The following GPHN variants were observed in gnomAD, a reference collection of about 807,000 sequenced individuals.
The protein encoded by GPHN is gephyrin.
GPHN carries 17 observed loss-of-function variants against 95.5 expected under a neutral mutation model. The observed-to-expected ratio is 0.18, with a 90% CI of 0.12 to 0.27. The LOEUF (loss-of-function observed/expected upper bound fraction) is 0.27, where lower values mean the gene tolerates loss of function less well. Among genes scored for constraint, GPHN ranks in the 10% least tolerant of loss-of-function variants. The pLI is 1.00. For missense variants in GPHN, 660 were observed against 978.1 expected (o/e 0.67, Z 4.34); for synonymous variants, 320 against 322.5 (o/e 0.99, Z 0.08).
At chr14:67,730,895 C>T in the GPHN span, among the ~76,000 whole-genome samples, 7 of 152,142 alleles carry the variant, frequency 4.6e-5, no homozygotes, top group African/African-American at 9.7e-5. Context: ...TGAGCCACCG[C>T]GCCCAGCCCC....
At chr14:67,474,234 A>G in the GPHN span, among the ~76,000 whole-genome samples, 1 of 150,668 alleles carries the variant, frequency 6.6e-6, no homozygotes, top group Non-Finnish European at 1.5e-5. Flanking sequence ...CCTGGGAGAC[A>G]GAGTGAGACT....
At chr14:67,304,314 A>G in the GPHN span, among the ~76,000 whole-genome samples, 1 of 152,232 alleles carries the variant, frequency 6.6e-6, no homozygotes, top group Admixed American at 6.5e-5. Context: ...AAAAGGACTG[A>G]AAACATATAT....
chr14:66,781,682 T>C (rs1365542250), intron 3 of GPHN, among the ~76,000 whole-genome samples: 3 of 152,154 alleles, frequency 2.0e-5, no homozygotes, highest in African/African-American at 7.2e-5. Flanking sequence ...TATCAACCGT[T>C]TTTGTAGGAT....
intron 2 of GPHN, among the ~76,000 whole-genome samples, chr14:66,736,978 C>T (rs1387325325): frequency 1.3e-5 from 2 of 152,104 alleles, no homozygotes; most frequent in African/African-American, 4.8e-5. Context: ...CTCCTACAGT[C>T]TTCTGAGTTT....
downstream of GPHN, among the ~76,000 whole-genome samples, chr14:67,186,781 T>A (rs527452771): frequency 6.6e-6 from 1 of 152,286 alleles, no homozygotes; most frequent in African/African-American, 2.4e-5. Context: ...TGCAACCTAT[T>A]ATTGAACCTA....
intron 17 of GPHN, among the ~76,000 whole-genome samples, chr14:67,138,887 CTTTTT>C (rs34446302): frequency 2.1e-5 from 2 of 94,678 alleles, no homozygotes; most frequent in South Asian, 4.0e-4. Context: ...GCATCCTCTC[CTTTTT>C]TTTTTTTTTT....
At chr14:67,444,230 C>T in the GPHN span, among the ~76,000 whole-genome samples, 1 of 152,174 alleles carries the variant, frequency 6.6e-6, no homozygotes. Context: ...TTGTCAGGAC[C>T]TCCTGAGGCT....
chr14:66,553,970 T>C (rs185991658), intron 1 of GPHN, among the ~76,000 whole-genome samples: 91 of 152,372 alleles, frequency 6.0e-4, no homozygotes, highest in African/African-American at 2.2e-3. Flanking sequence ...TTATTGATTT[T>C]TAACGTGATA....
At chr14:66,923,865 G>T (rs1469169153) in intron 7 of GPHN, among the ~76,000 whole-genome samples, 1 of 151,750 alleles carries the variant, frequency 6.6e-6, no homozygotes, top group Non-Finnish European at 1.5e-5. Flanking sequence ...CAGTGATCCA[G>T]TGAGTGCTTA....
At chr14:66,685,513 A>G (rs1356118674) in intron 2 of GPHN, among the ~76,000 whole-genome samples, 1 of 152,018 alleles carries the variant, frequency 6.6e-6, no homozygotes, top group Non-Finnish European at 1.5e-5. Context: ...GATGATGAGC[A>G]TTTTTTCATG....
the GPHN span, chr14:67,586,332 T>C: frequency 7.2e-7 from 1 of 1,386,696 alleles, no homozygotes. Flanking sequence ...CTAGCTACTA[T>C]TATGCTCTTC....
At chr14:67,579,619 GC>G in the GPHN span, 3 of 1,157,454 alleles carry the variant, frequency 2.6e-6, no homozygotes, top group Non-Finnish European at 2.4e-6. Context: ...TTTTGTATTT[GC>G]CCTTGCTCCT....
intron 21 of GPHN, among the ~76,000 whole-genome samples, chr14:67,177,338 C>T (rs111473074): frequency 1.3e-5 from 2 of 152,138 alleles, no homozygotes; most frequent in African/African-American, 4.8e-5. Flanking sequence ...ATTATTTACC[C>T]AGTAGTCATT....
At chr14:66,531,657 A>G (rs182481979) in intron 1 of GPHN, among the ~76,000 whole-genome samples, 2 of 152,338 alleles carry the variant, frequency 1.3e-5, no homozygotes, top group East Asian at 1.9e-4. Flanking sequence ...TGGTCTGACC[A>G]TAGCCTGACT....
At chr14:66,689,548 G>A (rs1044381323) in intron 2 of GPHN, among the ~76,000 whole-genome samples, 4 of 152,104 alleles carry the variant, frequency 2.6e-5, no homozygotes, top group Admixed American at 6.5e-5. Context: ...TTAGTATCAG[G>A]GTAATGCTGG....
chr14:67,141,525 T>G (rs1352082696), intron 17 of GPHN, among the ~76,000 whole-genome samples: 1 of 152,228 alleles, frequency 6.6e-6, no homozygotes, highest in African/African-American at 2.4e-5. Flanking sequence ...GTTTTATATG[T>G]ATTAATAGGA....
intron 1 of GPHN, among the ~76,000 whole-genome samples, chr14:66,589,108 C>G (rs1469705036): frequency 6.6e-6 from 1 of 152,068 alleles, no homozygotes; most frequent in Non-Finnish European, 1.5e-5. Context: ...AAGTTTCAAC[C>G]CAGAATTGCA....
intron 1 of GPHN, among the ~76,000 whole-genome samples, chr14:66,592,000 C>A (rs1386278997): frequency 6.6e-6 from 1 of 152,094 alleles, no homozygotes; most frequent in African/African-American, 2.4e-5. Flanking sequence ...AGACATATCA[C>A]CACACATCTA....
At chr14:66,792,053 C>T (rs1372750582) in intron 3 of GPHN, among the ~76,000 whole-genome samples, 5 of 152,134 alleles carry the variant, frequency 3.3e-5, no homozygotes, top group African/African-American at 1.2e-4. Context: ...ACCATGAGAA[C>T]AGTATGGGGG....
Sources: allele counts gnomAD v4.1 joint callset (sites outside exome capture counted in the v4.1 genomes callset), GRCh38; gene constraint gnomAD v4.1.1; transcripts MANE v1.5; gene names NCBI Gene and HGNC (gene_info 2026-07-23, HGNC 2026-07-21).